CCDC187: variants seen among roughly 807,000 people sequenced by gnomAD.
CCDC187 encodes the protein coiled-coil domain containing 187.
Under a neutral mutation model 38.0 loss-of-function variants are expected in CCDC187, and 32 were observed. The ratio of observed to expected loss-of-function variants is 0.84; its 90% CI spans 0.64 to 1.13. CCDC187 has a LOEUF of 1.13. CCDC187 is among the 50% of genes most tolerant of loss of function. The pLI is 0.00. For synonymous variants in CCDC187, 333 were observed against 347.9 expected (o/e 0.96, Z 0.48); for missense variants, 707 against 786.8 (o/e 0.90, Z 1.21).
At chr9:136,297,449 TCA>T (rs1831563915) in intron 4 of CCDC187, among the ~76,000 whole-genome samples, 1 of 152,132 alleles carries the variant, frequency 6.6e-6, no homozygotes, top group East Asian at 1.9e-4. Context: ...TGGTGGACTT[TCA>T]CTTTGTCTCA....
chr9:136,300,558 T>G (rs1478962760), intron 2 of CCDC187, among the ~76,000 whole-genome samples: 1 of 150,542 alleles, frequency 6.6e-6, no homozygotes, highest in Admixed American at 6.6e-5. Flanking sequence ...GGCCAACAGG[T>G]GCTGGCCACC....
intron 3 of CCDC187, among the ~76,000 whole-genome samples, chr9:136,298,915 CT>C (rs1413772526): frequency 3.9e-5 from 6 of 152,316 alleles, no homozygotes; most frequent in African/African-American, 1.4e-4. Context: ...GAACTGGGCA[CT>C]TTAAAAAAGG....
In CCDC187 at chr9:136,268,143, A is replaced by G. The variant is rs1475746625; in HGVS notation, c.3443-18T>C. Reference sequence around the variant, plus strand: ...CTCCACCTCTGAGGAAGGAAGCGCCATGGTTGGGTCATGTAGGGGGTCTGA... The same window carrying G: ...CTCCACCTCTGAGGAAGGAAGCGCCGTGGTTGGGTCATGTAGGGGGTCTGA... On this transcript the variant is annotated intron_variant, in intron 14 of 25. Coordinates refer to ENST00000638797, the MANE Select transcript of CCDC187 (RefSeq NM_001378188.1). 2 of 985,356 alleles carry G rather than the reference A, an allele frequency of 2.0e-6. No individual in the cohort carries two copies. The highest frequency in any genetic ancestry group is 5.2e-4 in the Middle Eastern group (1 of 1,936). The allele number at this position is 985,356 out of a possible 1,614,324, so 61.0% of individuals were successfully genotyped here. A position where few individuals can be genotyped will look rare whatever the true frequency, so the allele number is the denominator to read the frequency against.
chr9:136,262,575 G>T, intron 18 of CCDC187, 113 bp from the exon 19 acceptor site: 1 of 878,662 alleles, frequency 1.1e-6, no homozygotes, highest in Non-Finnish European at 1.4e-6. Context: ...GCAGTGCCGG[G>T]GCTGCTTGCT....
intron 3 of CCDC187, 47 bp downstream of exon 3, chr9:136,300,173 G>A (rs1288979649): frequency 1.0e-5 from 4 of 398,232 alleles, no homozygotes; most frequent in African/African-American, 4.1e-5. Context: ...ATCATGGCCT[G>A]AGCATCCAAC....
intron 14 of CCDC187, among the ~76,000 whole-genome samples, chr9:136,270,071 A>G (rs369135442): frequency 6.6e-6 from 1 of 152,268 alleles, no homozygotes. Flanking sequence ...GAATAAAAGA[A>G]TACAAAGAGC....
chr9:136,267,985 C>T, intron 15 of CCDC187, 64 bp downstream of exon 15: 2 of 985,294 alleles, frequency 2.0e-6, no homozygotes, highest in Non-Finnish European at 2.4e-6. Flanking sequence ...GGTCCGGGGC[C>T]CACTACCAGG....
upstream of CCDC187, among the ~76,000 whole-genome samples, chr9:136,306,253 G>A (rs1380279571): frequency 6.6e-6 from 1 of 152,206 alleles, no homozygotes; most frequent in Admixed American, 6.5e-5. Context: ...TCCGGGCCTA[G>A]CTGGGTCCGT....
chr9:136,300,958 T>A (rs1456738712), intron 2 of CCDC187, among the ~76,000 whole-genome samples: 2 of 151,884 alleles, frequency 1.3e-5, no homozygotes, highest in Non-Finnish European at 2.9e-5. Context: ...ATGCATCCAG[T>A]GGGGCCATCA....
At chr9:136,287,386 A>G (rs1831206585) in intron 7 of CCDC187, among the ~76,000 whole-genome samples, 1 of 152,174 alleles carries the variant, frequency 6.6e-6, no homozygotes, top group Admixed American at 6.5e-5. Flanking sequence ...GAAACCTACC[A>G]TCAGGCCTCC....
chr9:136,254,161 G>C lies in CCDC187; in HGVS notation c.5667C>G (p.Val1889=), dbSNP rs1830583449. ...CACTCAAAGAGGTCCACGAAGGAAA[G>C]ACCAGCAGTGAGTCCGAGTCACCGG... ...SSAGDSDSLL[V]FPSWTSLSEG... Residue 1889 remains valine, a synonymous_variant, in exon 26 of 26, where the codon GTC becomes GTG. Transcript: ENST00000638797. The C allele has an allele frequency of 2.0e-6, 2 of 985,356 alleles. No homozygotes were observed. Among genetic ancestry groups the C allele is most frequent in the South Asian group, 4.7e-5 (1 of 21,290 alleles). 61.0% of individuals were successfully genotyped at this position (985,356 alleles called of 1,614,324 possible).
intron 2 of CCDC187, among the ~76,000 whole-genome samples, chr9:136,301,585 A>ATT (rs1831683847): frequency 2.0e-5 from 2 of 98,512 alleles, no homozygotes. Context: ...TGCATACGTT[A>ATT]CTTTTTTTTT....
chr9:136,267,318 CAGGGCGGGGCTACAGCA>C lies in CCDC187; in HGVS notation c.3647+49_3647+65del, dbSNP rs1349064183. 13 of 898,878 alleles carry C rather than the reference CAGGGCGGGGCTACAGCA, an allele frequency of 1.4e-5. No individual in the cohort carries two copies. The African/African-American group carries it at 3.3e-4, about 23-fold the overall frequency. 55.7% of individuals were successfully genotyped at this position (898,878 alleles called of 1,614,324 possible). On this transcript the variant is annotated intron_variant, in intron 16 of 25. Coordinates refer to ENST00000638797, the MANE Select transcript of CCDC187 (RefSeq NM_001378188.1). ...GGGCAGGGAGGGGGCGGGGCTACAG[CAGGGCGGGGCTACAGCA>C]GGGCGGGGCTACGGCGGGGCGGGGC...
In CCDC187 at chr9:136,290,871, G is replaced by T; in HGVS notation, c.1742C>A (p.Ala581Asp). ...RPWSSSGVQR[A>D]GPQGKGRGIG... is the part of the protein sequence containing the mutation. ...GCCTCTGCCCTTGCCCTGGGGGCCG[G>T]CCCTCTGCACGCCGGAGCTGCTCCA... Residue 581 changes from alanine to aspartate, a missense_variant, in exon 6 of 26, where the codon GCC becomes GAC. By Grantham distance (126) the Ala-to-Asp change is moderately radical. Transcript: ENST00000638797. 2.5e-6 allele frequency: 1 copy of T among 398,588 alleles called. No homozygotes were observed. Among genetic ancestry groups the T allele is most frequent in the Non-Finnish European group, 4.4e-6 (1 of 226,014 alleles). 24.7% of individuals were successfully genotyped at this position (398,588 alleles called of 1,614,324 possible). A position where few individuals can be genotyped will look rare whatever the true frequency, so the allele number is the denominator to read the frequency against.
At chr9:136,268,762 T>C (rs782111256) in intron 14 of CCDC187, among the ~76,000 whole-genome samples, 1 of 152,194 alleles carries the variant, frequency 6.6e-6, no homozygotes, top group Non-Finnish European at 1.5e-5. Context: ...CACACACACA[T>C]ATGAAATAAC....
rs1194987376 is a variant in CCDC187, at chr9:136,254,106, T to G, written c.5722A>C (p.Thr1908Pro). The change falls in exon 26 of 26, where the codon ACT becomes CCT. Residue 1908 changes from threonine to proline, a missense_variant. Coordinates refer to ENST00000638797, the MANE Select transcript of CCDC187 (RefSeq NM_001378188.1). ...EGADFGKGGE[T>P]SGYQEGTRDA... is the part of the protein sequence containing the mutation. ...CGGGTTCCCTCCTGGTAGCCAGAAG[T>G]CTCTCCTCCTTTGCCGAAATCTGCC... 3.0e-6 allele frequency: 3 copies of G among 985,264 alleles called. No individual in the cohort carries two copies. Among genetic ancestry groups the G allele is most frequent in the Non-Finnish European group, 3.6e-6 (3 of 829,942 alleles). The allele number at this position is 985,264 out of a possible 1,614,324, so 61.0% of individuals were successfully genotyped here. A position where few individuals can be genotyped will look rare whatever the true frequency, so the allele number is the denominator to read the frequency against.
chr9:136,250,480 CGT>C lies in CCDC187; in HGVS notation c.*3112_*3113del. On this transcript the variant is annotated 3_prime_UTR_variant, in exon 26 of 26. Transcript: ENST00000638797. ...TGGAGATTTATCGTCATGCCAGATG[CGT>C]GTGTGTGAGATACATAATTCCTCTC... is the stretch of plus-strand genomic sequence containing the variant. The C allele has an allele frequency of 3.0e-6, 1 of 331,844 alleles. No homozygotes were observed. Among genetic ancestry groups the C allele is most frequent in the South Asian group, 2.4e-5 (1 of 42,202 alleles). 20.6% of individuals were successfully genotyped at this position (331,844 alleles called of 1,614,324 possible). A position where few individuals can be genotyped will look rare whatever the true frequency, so the allele number is the denominator to read the frequency against.
At chr9:136,269,149 G>A (rs1554762047) in intron 14 of CCDC187, among the ~76,000 whole-genome samples, 1 of 152,196 alleles carries the variant, frequency 6.6e-6, no homozygotes, top group Non-Finnish European at 1.5e-5. Context: ...GCCTGGTAAT[G>A]ACGCCTGTTT....
chr9:136,275,444 A>C (rs1441921627), intron 12 of CCDC187, among the ~76,000 whole-genome samples: 8 of 131,948 alleles, frequency 6.1e-5, no homozygotes, highest in Non-Finnish European at 1.3e-4. Flanking sequence ...GTGTACTCCC[A>C]CACACACACA....
Sources: allele counts gnomAD v4.1 joint callset (sites outside exome capture counted in the v4.1 genomes callset), GRCh38; gene constraint gnomAD v4.1.1; transcripts MANE v1.5; gene names NCBI Gene and HGNC (gene_info 2026-07-23, HGNC 2026-07-21).